RGS6: variants seen among roughly 807,000 people sequenced by gnomAD.
RGS6 encodes the protein regulator of G protein signaling 6.
In RGS6, 30 loss-of-function variants were observed where a neutral mutation model predicts 78.5. The ratio of observed to expected loss-of-function variants is 0.38; its 90% CI spans 0.29 to 0.52. The LOEUF (loss-of-function observed/expected upper bound fraction) is 0.52. Ranked by LOEUF, RGS6 falls within the 20% of genes least tolerant of loss-of-function variation. The pLI is 0.85. For synonymous variants in RGS6, 206 were observed against 206.0 expected, an observed-to-expected ratio of 1.00 and a Z score of 0.00; for missense variants, 495 against 609.7, an observed-to-expected ratio of 0.81 and a Z score of 1.98.
intron 2 of RGS6, among the ~76,000 whole-genome samples, chr14:72,092,934 C>A (rs1436712408): frequency 6.6e-6 from 1 of 152,106 alleles, no homozygotes; most frequent in Non-Finnish European, 1.5e-5. Context: ...TTCCAAGATC[C>A]CATACCATAT....
intron 2 of RGS6, among the ~76,000 whole-genome samples, chr14:72,103,074 A>C (rs1384818949): frequency 6.6e-6 from 1 of 152,226 alleles, no homozygotes. Context: ...CCGTTATTTC[A>C]GACTTAGGAA....
chr14:72,586,919 T>C, the RGS6 span, among the ~76,000 whole-genome samples: 4 of 152,172 alleles, frequency 2.6e-5, no homozygotes, highest in East Asian at 7.7e-4. Context: ...TTAGTAATAT[T>C]ACCTGAATAT....
chr14:71,988,563 T>G (rs1187970117), intron 2 of RGS6, among the ~76,000 whole-genome samples: 3 of 152,206 alleles, frequency 2.0e-5, no homozygotes, highest in African/African-American at 7.2e-5. Flanking sequence ...CTATGGCTTT[T>G]TTTTTTGAGC....
At chr14:72,491,517 A>G (rs575234300) in intron 12 of RGS6, among the ~76,000 whole-genome samples, 5 of 152,262 alleles carry the variant, frequency 3.3e-5, no homozygotes, top group Non-Finnish European at 7.3e-5. Context: ...CAAACTATTA[A>G]TAATTTCAAC....
the RGS6 span, among the ~76,000 whole-genome samples, chr14:71,872,825 T>C: frequency 6.6e-6 from 1 of 152,184 alleles, no homozygotes; most frequent in African/African-American, 2.4e-5. Context: ...CCGTGTGTGA[T>C]ATTCCCCATC....
the RGS6 span, among the ~76,000 whole-genome samples, chr14:71,874,970 G>A: frequency 1.2e-4 from 19 of 152,330 alleles, no homozygotes; most frequent in East Asian, 2.1e-3. Flanking sequence ...TGTTGAACCA[G>A]CCTTGCATCC....
chr14:72,576,807 T>C, the RGS6 span, among the ~76,000 whole-genome samples: 2 of 152,180 alleles, frequency 1.3e-5, no homozygotes, highest in African/African-American at 2.4e-5. Flanking sequence ...TTGGCAAGAA[T>C]TGATGATTTT....
chr14:72,458,238 A>C, intron 4 of RGS6, 33 bp from the exon 5 acceptor site: 2 of 1,528,158 alleles, frequency 1.3e-6, no homozygotes, highest in Non-Finnish European at 1.8e-6. Context: ...CCTGCTTTCT[A>C]ATTCCTTCTC....
chr14:72,180,255 G>A (rs1339935422), intron 2 of RGS6, among the ~76,000 whole-genome samples: 1 of 152,206 alleles, frequency 6.6e-6, no homozygotes, highest in African/African-American at 2.4e-5. Flanking sequence ...AGTAACAGTT[G>A]TATTCCCAAG....
At chr14:72,417,729 G>C (rs1388584862) in intron 3 of RGS6, among the ~76,000 whole-genome samples, 1 of 152,208 alleles carries the variant, frequency 6.6e-6, no homozygotes, top group Non-Finnish European at 1.5e-5. Context: ...ACCTCACGGA[G>C]TTGTTCTGGG....
chr14:72,283,189 G>T (rs963615902), intron 2 of RGS6, among the ~76,000 whole-genome samples: 1 of 152,164 alleles, frequency 6.6e-6, no homozygotes, highest in Non-Finnish European at 1.5e-5. Flanking sequence ...GAGACACTTA[G>T]GTTGTTTCTA....
chr14:72,292,233 C>G (rs1225081451), intron 2 of RGS6, among the ~76,000 whole-genome samples: 1 of 152,206 alleles, frequency 6.6e-6, no homozygotes, highest in African/African-American at 2.4e-5. Context: ...CTTGACACCC[C>G]TGTATGGTCA....
At chr14:72,516,993 A>G (rs892420065) in intron 14 of RGS6, 4 of 146,306 alleles carry the variant, frequency 2.7e-5, no homozygotes, top group Admixed American at 6.8e-5. Flanking sequence ...GCATTTGGGG[A>G]CACACACACA....
At chr14:72,036,782 T>G (rs2091774231) in intron 2 of RGS6, among the ~76,000 whole-genome samples, 1 of 152,220 alleles carries the variant, frequency 6.6e-6, no homozygotes, top group Non-Finnish European at 1.5e-5. Context: ...TTTGCCTTTT[T>G]ATTCTTTTAA....
intron 3 of RGS6, among the ~76,000 whole-genome samples, chr14:72,427,842 A>G (rs2094489500): frequency 6.6e-6 from 1 of 152,182 alleles, no homozygotes; most frequent in African/African-American, 2.4e-5. Flanking sequence ...AATTGCTTGG[A>G]GTAGTAGAGA....
At chr14:72,248,787 C>T (rs990433091) in intron 2 of RGS6, among the ~76,000 whole-genome samples, 14 of 152,188 alleles carry the variant, frequency 9.2e-5, no homozygotes, top group Non-Finnish European at 1.8e-4. Context: ...CCCAGACCTA[C>T]TGAATCAGAT....
At chr14:72,323,210 T>G (rs2072599533) in intron 2 of RGS6, among the ~76,000 whole-genome samples, 1 of 152,156 alleles carries the variant, frequency 6.6e-6, no homozygotes, top group South Asian at 2.1e-4. Context: ...ACAAAAATAC[T>G]ACTCATGTTA....
chr14:71,919,263 G>A, the RGS6 span, among the ~76,000 whole-genome samples: 2 of 152,142 alleles, frequency 1.3e-5, no homozygotes, highest in African/African-American at 4.8e-5. Context: ...GCCCGTGGGG[G>A]TGAGGGCAGG....
the RGS6 span, among the ~76,000 whole-genome samples, chr14:71,897,671 C>T: frequency 4.1e-5 from 6 of 144,814 alleles, no homozygotes; most frequent in South Asian, 2.1e-4. Flanking sequence ...CAGGCGCCCA[C>T]CACCACGCCC....
Sources: gnomAD v4.1 joint callset for allele counts (sites outside exome capture counted in the v4.1 genomes callset) on GRCh38, gnomAD v4.1.1 for gene constraint, MANE v1.5 for transcripts, NCBI Gene and HGNC (gene_info 2026-07-23, HGNC 2026-07-21) for gene names.